Variants in ZEB1 observed in about 807,000 individuals in gnomAD.
The protein encoded by ZEB1 is zinc finger E-box binding homeobox 1, also known as zinc finger E-box-binding homeobox 1.
Under a neutral mutation model 84.9 loss-of-function variants are expected in ZEB1, and 21 were observed. That is an observed-to-expected ratio of 0.25 (90% CI 0.18 to 0.36). The LOEUF (loss-of-function observed/expected upper bound fraction) is 0.36, where lower values mean the gene tolerates loss of function less well. Ranked by LOEUF, ZEB1 falls within the 10% of genes least tolerant of loss-of-function variation. ZEB1 has a pLI of 1.00. For missense variants in ZEB1, 1,104 were observed against 1,330.2 expected, an observed-to-expected ratio of 0.83 and a Z score of 2.65; for synonymous variants, 420 against 471.1, an observed-to-expected ratio of 0.89 and a Z score of 1.41.
intron 2 of ZEB1, among the ~76,000 whole-genome samples, chr10:31,476,658 A>C (rs1467356098): frequency 1.3e-5 from 2 of 152,060 alleles, no homozygotes; most frequent in Non-Finnish European, 2.9e-5. Flanking sequence ...AACAATCCTC[A>C]ACAAAATTCT....
At position 31,502,608 on chromosome 10, in the gene ZEB1, T is replaced by TG. The variant is rs147478401; in HGVS notation, c.484+100dup. On this transcript the variant is annotated intron_variant, in intron 4 of 8. Coordinates refer to ENST00000424869, the MANE Select transcript of ZEB1 (RefSeq NM_001174096.2). ...CCTGCTCTACTATAGGGAACATTCT[T>TG]GAAGACCAAACTTTATTACAGGTGC... 3,685 of 1,499,258 alleles carry TG rather than the reference T, an allele frequency of 2.5e-3. 63 individuals carry two copies. The African/African-American group carries it at 0.044, about 18-fold the overall frequency. The allele number at this position is 1,499,258 out of a possible 1,614,324, so 92.9% of individuals were successfully genotyped here. A position where few individuals can be genotyped will look rare whatever the true frequency, so the allele number is the denominator to read the frequency against.
chr10:31,448,460 C>T (rs1345986187), intron 1 of ZEB1, among the ~76,000 whole-genome samples: 71 of 148,052 alleles, frequency 4.8e-4, no homozygotes, highest in Non-Finnish European at 8.5e-4. Flanking sequence ...TGGTGAGGAA[C>T]TGCGTTCCTT....
intron 1 of ZEB1, among the ~76,000 whole-genome samples, chr10:31,430,322 G>A (rs987860509): frequency 6.6e-6 from 1 of 152,020 alleles, no homozygotes; most frequent in Non-Finnish European, 1.5e-5. Flanking sequence ...ACTGAGATAG[G>A]CAGTTTATAT....
chr10:31,340,123 G>T (rs1180697051), intron 1 of ZEB1, among the ~76,000 whole-genome samples: 1 of 151,914 alleles, frequency 6.6e-6, no homozygotes, highest in East Asian at 1.9e-4. Flanking sequence ...ATTTATTTGT[G>T]TGCATTACTG....
intron 1 of ZEB1, among the ~76,000 whole-genome samples, chr10:31,426,362 C>G (rs2056926641): frequency 6.6e-6 from 1 of 151,992 alleles, no homozygotes; most frequent in Admixed American, 6.6e-5. Flanking sequence ...TTAAGAGATA[C>G]TTGGGGAAAA....
chr10:31,442,610 TG>T (rs1285549206), intron 1 of ZEB1, among the ~76,000 whole-genome samples: 2 of 151,834 alleles, frequency 1.3e-5, no homozygotes, highest in African/African-American at 4.8e-5. Context: ...GTAGATAATT[TG>T]GGATTCATAG....
chr10:31,445,001 T>C (rs1173235978), intron 1 of ZEB1, among the ~76,000 whole-genome samples: 8 of 151,664 alleles, frequency 5.3e-5, no homozygotes, highest in Admixed American at 2.0e-4. Context: ...TAAATTACCT[T>C]GGGCAGTATG....
chr10:31,437,186 G>A (rs750905319), intron 1 of ZEB1, among the ~76,000 whole-genome samples: 1 of 152,118 alleles, frequency 6.6e-6, no homozygotes, highest in Non-Finnish European at 1.5e-5. Flanking sequence ...GATTCTTATA[G>A]TATTTATTTT....
intron 1 of ZEB1, among the ~76,000 whole-genome samples, chr10:31,336,734 A>G (rs909682143): frequency 1.3e-5 from 2 of 152,154 alleles, no homozygotes; most frequent in Admixed American, 6.5e-5. Context: ...AAGATATTCA[A>G]CCTCATTAGG....
At position 31,488,604 on chromosome 10, in the gene ZEB1, G is replaced by A. The variant is rs181543055; in HGVS notation, c.260-7172G>A. 8.5e-3 allele frequency among the ~76,000 whole-genome samples: 1,276 copies of A among 149,316 alleles called. 12 individuals carry two copies. The highest frequency in any genetic ancestry group is 0.012 in the Non-Finnish European group (812 of 66,790). On this transcript the variant is annotated intron_variant, in intron 2 of 8. Coordinates refer to ENST00000424869, the MANE Select transcript of ZEB1 (RefSeq NM_001174096.2). ...TTTATTTTGCTCCTTGTTTACTGTTGTTTTAATACACAATTCAGAATTTTG... is the reference window on the plus strand; with the variant it reads ...TTTATTTTGCTCCTTGTTTACTGTTATTTTAATACACAATTCAGAATTTTG...
intron 3 of ZEB1, among the ~76,000 whole-genome samples, chr10:31,501,199 T>C (rs2068076690): frequency 6.6e-6 from 1 of 152,210 alleles, no homozygotes; most frequent in Admixed American, 6.5e-5. Flanking sequence ...AAAGAAGTCA[T>C]CCCTGAGGCA....
chr10:31,358,856 CACATAGTCATT>C (rs577715663), intron 1 of ZEB1, among the ~76,000 whole-genome samples: 187 of 152,280 alleles, frequency 1.2e-3, no homozygotes, highest in African/African-American at 4.3e-3. Context: ...GTATCTGGGT[CACATAGTCATT>C]ACAAACAAAT....
Position 31,502,365 on chromosome 10 carries a change from G to C in ZEB1, c.340G>C (p.Glu114Gln), listed in dbSNP as rs369476602. 15 of 1,613,600 alleles carry C rather than the reference G, an allele frequency of 9.3e-6. No individual in the cohort carries two copies. Among genetic ancestry groups the C allele is most frequent in the African/African-American group, 2.7e-5 (2 of 74,886 alleles). ...AGCTVKDDEC[E>Q]SDAENEQNHD... Reference sequence around the variant, plus strand: ...TTTTTTAGTAAAAGATGATGAATGCGAGTCAGATGCAGAAAATGAGCAAAA... The same window carrying C: ...TTTTTTAGTAAAAGATGATGAATGCCAGTCAGATGCAGAAAATGAGCAAAA... Residue 114 changes from glutamate (E) to glutamine (Q), a missense_variant, in exon 4 of 9, where the codon GAG becomes CAG. This residue lies in a region of ZEB1 where 162 missense variants were observed against 184.5 expected (regional missense o/e 0.88). Transcript: ENST00000424869.
In ZEB1 at chr10:31,528,549, T is replaced by C. The variant is rs943345484; in HGVS notation, c.*1285T>C. 2 of 152,206 alleles carry C rather than the reference T, an allele frequency of 1.3e-5. No individual in the cohort carries two copies. The highest frequency in any genetic ancestry group is 4.8e-5 in the African/African-American group (2 of 41,462). The allele number at this position is 152,206 out of a possible 1,614,324, so 9.4% of individuals were successfully genotyped here. ...TTTTAGTTTATAGATCTGTGCAACA[T>C]TTTTGTACTGTATGTCTTCAAACCT... On this transcript the variant is annotated 3_prime_UTR_variant, in exon 9 of 9. Coordinates refer to ENST00000424869, the MANE Select transcript of ZEB1 (RefSeq NM_001174096.2).
At chr10:31,319,430 T>C (rs2033074822) in intron 1 of ZEB1, 138 bp downstream of exon 1, 2 of 793,674 alleles carry the variant, frequency 2.5e-6, no homozygotes, top group Non-Finnish European at 4.1e-6. Context: ...AAGTAGAAAG[T>C]AGTGCTCTCT....
At chr10:31,446,718 C>T (rs1223093162) in intron 1 of ZEB1, among the ~76,000 whole-genome samples, 4 of 152,164 alleles carry the variant, frequency 2.6e-5, no homozygotes, top group Admixed American at 1.3e-4. Flanking sequence ...TGTAGTTGAG[C>T]AGCTTTGAGT....
At chr10:31,348,136 A>G (rs941094676) in intron 1 of ZEB1, among the ~76,000 whole-genome samples, 2 of 152,196 alleles carry the variant, frequency 1.3e-5, no homozygotes, top group Non-Finnish European at 2.9e-5. Flanking sequence ...ATAATCAAGG[A>G]GAATCAGTGC....
chr10:31,499,658 G>A (rs1252299483), intron 3 of ZEB1, among the ~76,000 whole-genome samples: 5 of 152,114 alleles, frequency 3.3e-5, no homozygotes, highest in African/African-American at 4.8e-5. Flanking sequence ...CCAGCTACTC[G>A]GGAGGCTGAG....
chr10:31,481,989 G>T (rs1027758472), intron 2 of ZEB1, among the ~76,000 whole-genome samples: 1 of 151,818 alleles, frequency 6.6e-6, no homozygotes, highest in Non-Finnish European at 1.5e-5. Flanking sequence ...AAAATAAGTG[G>T]GTGAAAGTGT....
Sources: allele counts gnomAD v4.1 joint callset (sites outside exome capture counted in the v4.1 genomes callset), GRCh38; gene constraint gnomAD v4.1.1; regional missense constraint gnomAD v4.1.1; transcripts MANE v1.5; gene names NCBI Gene and HGNC (gene_info 2026-07-23, HGNC 2026-07-21).